Variants in CYS1 observed in about 807,000 individuals in gnomAD.
CYS1 encodes cystin 1.
Under a neutral mutation model 9.6 loss-of-function variants are expected in CYS1, and 5 were observed. The observed-to-expected ratio is 0.52, with a 90% CI of 0.27 to 1.10. The LOEUF is 1.10. Ranked by LOEUF, CYS1 falls within the 50% of genes least tolerant of loss-of-function variation. The pLI is 0.11. For missense variants in CYS1, 221 were observed against 207.9 expected (o/e 1.06, Z -0.39); for synonymous variants, 88 against 95.7 (o/e 0.92, Z 0.47).
At position 10,057,304 on chromosome 2, in the gene CYS1, C is replaced by G. The variant is rs781505245; in HGVS notation, c.*1549G>C. On this transcript the variant is annotated 3_prime_UTR_variant, in exon 3 of 3. Transcript: ENST00000381813. ...AGCTCTGGGGAGGGTTTGAGCCACG[C>G]CCTTGCGGGGGCCGCTCCAAGCTCT... The G allele has an allele frequency of 4.6e-5, 7 of 152,274 alleles. No homozygotes were observed. The highest frequency in any genetic ancestry group is 9.6e-5 in the African/African-American group (4 of 41,476). The allele number at this position is 152,274 out of a possible 1,614,324, so 9.4% of individuals were successfully genotyped here.
intron 1 of CYS1, among the ~76,000 whole-genome samples, chr2:10,075,703 G>T (rs538610173): frequency 6.6e-6 from 1 of 152,162 alleles, no homozygotes; most frequent in Non-Finnish European, 1.5e-5. Context: ...ATGCTCCATG[G>T]CTACAGCAAA....
intron 2 of CYS1, among the ~76,000 whole-genome samples, chr2:10,061,386 G>A (rs901238880): frequency 6.6e-6 from 1 of 152,210 alleles, no homozygotes; most frequent in African/African-American, 2.4e-5. Flanking sequence ...GGGAAGAAGA[G>A]AAATGGGCAC....
At chr2:10,065,221 G>A (rs116530971) in intron 2 of CYS1, among the ~76,000 whole-genome samples, 1 of 152,292 alleles carries the variant, frequency 6.6e-6, no homozygotes, top group African/African-American at 2.4e-5. Flanking sequence ...AGTTCAGCAG[G>A]GTTCCTGTCC....
rs1661563321 is a variant in CYS1, at chr2:10,057,283, C to T, written c.*1570G>A. The T allele has an allele frequency of 6.6e-6, 1 of 152,260 alleles. No homozygotes were observed. Among genetic ancestry groups the T allele is most frequent in the South Asian group, 2.1e-4 (1 of 4,834 alleles). 9.4% of individuals were successfully genotyped at this position (152,260 alleles called of 1,614,324 possible). The stretch of plus-strand genomic sequence containing the variant: ...CTTGCATAAGCAATGGCTCCCAGCT[C>T]TGGGGAGGGTTTGAGCCACGCCCTT... On this transcript the variant is annotated 3_prime_UTR_variant, in exon 3 of 3. Transcript: ENST00000381813.
chr2:10,064,941 C>A (rs1190883707), intron 2 of CYS1, among the ~76,000 whole-genome samples: 1 of 151,522 alleles, frequency 6.6e-6, no homozygotes, highest in East Asian at 1.9e-4. Flanking sequence ...AGGGTTTCAC[C>A]ATGTTGGCCA....
rs200653727 is a variant in CYS1, at chr2:10,058,846, G to A, written c.*7C>T. On this transcript the variant is annotated 3_prime_UTR_variant, in exon 3 of 3. Coordinates refer to ENST00000381813, the MANE Select transcript of CYS1 (RefSeq NM_001037160.3). ...CCGAGGCCTGGCGGGGGTGGAGCATGCTGTCCTCAGCGGCAGTACTCCCGC... is the reference window on the plus strand; with the variant it reads ...CCGAGGCCTGGCGGGGGTGGAGCATACTGTCCTCAGCGGCAGTACTCCCGC... 4.5e-6 allele frequency: 7 copies of A among 1,561,386 alleles called. No individual in the cohort carries two copies. Among genetic ancestry groups the A allele is most frequent in the Non-Finnish European group, 6.1e-6 (7 of 1,152,932 alleles).
chr2:10,080,166 T>C lies in CYS1; in HGVS notation c.58A>G (p.Ser20Gly), dbSNP rs1273121893. ...RTLRRRRSPE[S>G]LPAGPGAAAL... The stretch of plus-strand genomic sequence containing the variant: ...GCCGCTCCGGGCCCCGCGGGGAGGC[T>C]CTCGGGGCTGCGCCGCCGCCTCAGA... The change falls in exon 1 of 3, where the codon AGC becomes GGC. Residue 20 changes from serine (S) to glycine (G), a missense_variant. Ser to Gly is a moderately conservative substitution (Grantham distance 56). Transcript: ENST00000381813. This position sits in a 1 kb window ranked among gnomAD's most constrained non-coding sequence, Gnocchi z 6.4. 2 of 1,062,614 alleles carry C rather than the reference T, an allele frequency of 1.9e-6. No homozygotes were observed. Among genetic ancestry groups the C allele is most frequent in the Non-Finnish European group, 2.3e-6 (2 of 882,286 alleles). The allele number at this position is 1,062,614 out of a possible 1,614,324, so 65.8% of individuals were successfully genotyped here. A position where few individuals can be genotyped will look rare whatever the true frequency, so the allele number is the denominator to read the frequency against.
rs1558354781 is a variant in CYS1 at position 10,056,741 on chromosome 2, C to G, written c.*2112G>C. ...CCCACCCCTCTACTTCCAGGCACAGCCCCTCCGTCTCACAGGACAGAGACA... is the reference window on the plus strand; with the variant it reads ...CCCACCCCTCTACTTCCAGGCACAGGCCCTCCGTCTCACAGGACAGAGACA... On this transcript the variant is annotated 3_prime_UTR_variant, in exon 3 of 3. Transcript: ENST00000381813. The G allele has an allele frequency of 3.3e-5, 5 of 152,312 alleles. No individual in the cohort carries two copies. The highest frequency in any genetic ancestry group is 3.3e-4 in the Admixed American group (5 of 15,292). The allele number at this position is 152,312 out of a possible 1,614,324, so 9.4% of individuals were successfully genotyped here. A position where few individuals can be genotyped will look rare whatever the true frequency, so the allele number is the denominator to read the frequency against.
At chr2:10,073,199 T>C in intron 1 of CYS1, among the ~76,000 whole-genome samples, 1 of 97,382 alleles carries the variant, frequency 1.0e-5, no homozygotes, top group African/African-American at 4.2e-5. Context: ...GACAAGGGGC[T>C]CTGGGAACCG....
chr2:10,073,747 G>A (rs1432477272), intron 1 of CYS1, among the ~76,000 whole-genome samples: 1 of 152,252 alleles, frequency 6.6e-6, no homozygotes, highest in Middle Eastern at 3.4e-3. Flanking sequence ...AAGGTTAAGA[G>A]CTCTTGGTCA....
intron 1 of CYS1, among the ~76,000 whole-genome samples, chr2:10,079,525 T>G (rs1191466740): frequency 6.6e-6 from 1 of 152,090 alleles, no homozygotes; most frequent in African/African-American, 2.4e-5. Flanking sequence ...TCTGGACCGG[T>G]GGGCGCGGCA....
intron 1 of CYS1, among the ~76,000 whole-genome samples, chr2:10,079,343 C>G (rs1179526321): frequency 6.6e-6 from 1 of 152,240 alleles, no homozygotes; most frequent in African/African-American, 2.4e-5. Flanking sequence ...TCATTCAGCT[C>G]TGCTGGAGCG....
chr2:10,062,219 C>T (rs1661637436), intron 2 of CYS1, among the ~76,000 whole-genome samples: 1 of 152,022 alleles, frequency 6.6e-6, no homozygotes, highest in Admixed American at 6.5e-5. Flanking sequence ...GTTACCCAGG[C>T]TGAAAGTCAC....
intron 1 of CYS1, 138 bp downstream of exon 1, chr2:10,079,768 G>A: frequency 2.3e-6 from 1 of 442,738 alleles, no homozygotes; most frequent in Non-Finnish European, 3.1e-6. Context: ...GGGCGGGGAG[G>A]CCGGGGCAGC....
rs1002948006 is a variant in CYS1, at chr2:10,063,735, G to A, written c.371+2169C>T. Among the ~76,000 whole-genome samples, 1 of 152,136 alleles carries A rather than the reference G, an allele frequency of 6.6e-6. No individual in the cohort carries two copies. The highest frequency in any genetic ancestry group is 1.5e-5 in the Non-Finnish European group (1 of 68,038). ...GGCCTGCAGGGTCCACGGCTGCCAC[G>A]GGAGTCAGGTGTGTGCCGTGGGCAG... is the stretch of plus-strand genomic sequence containing the variant. On this transcript the variant is annotated intron_variant, in intron 2 of 2. Coordinates refer to ENST00000381813, the MANE Select transcript of CYS1 (RefSeq NM_001037160.3). This position sits in a 1 kb window ranked among gnomAD's most constrained non-coding sequence, Gnocchi z 4.2.
intron 1 of CYS1, among the ~76,000 whole-genome samples, chr2:10,073,601 G>C (rs1330029977): frequency 6.6e-6 from 1 of 152,048 alleles, no homozygotes; most frequent in Admixed American, 6.5e-5. Context: ...TGGGCAGGGG[G>C]CTGCTTTCCC....
chr2:10,069,344 A>G (rs987013876), intron 1 of CYS1, among the ~76,000 whole-genome samples: 2 of 151,918 alleles, frequency 1.3e-5, no homozygotes, highest in East Asian at 1.9e-4. Context: ...TTTCTGGAGG[A>G]AAAAAAATTA....
intron 1 of CYS1, among the ~76,000 whole-genome samples, chr2:10,074,157 A>G (rs1661812677): frequency 6.6e-6 from 1 of 152,172 alleles, no homozygotes; most frequent in Non-Finnish European, 1.5e-5. Flanking sequence ...CACTATCCAA[A>G]TGCTGATGTC....
rs1031298982 is a variant in CYS1 at position 10,063,761 on chromosome 2, C to T, written c.371+2143G>A. Among the ~76,000 whole-genome samples, 8 of 152,132 alleles carry T rather than the reference C, an allele frequency of 5.3e-5. No homozygotes were observed. The highest frequency in any genetic ancestry group is 3.8e-4 in the East Asian group (2 of 5,196). ...GGAGTCAGGTGTGTGCCGTGGGCAG[C>T]GAGAAGCACAGTGGGTACAGGGCAG... On this transcript the variant is annotated intron_variant, in intron 2 of 2. Coordinates refer to ENST00000381813, the MANE Select transcript of CYS1 (RefSeq NM_001037160.3). The surrounding 1 kb of genome is among the most constrained non-coding windows in gnomAD (Gnocchi z 4.2).
Sources: gnomAD v4.1 joint callset for allele counts (sites outside exome capture counted in the v4.1 genomes callset) on GRCh38, gnomAD v4.1.1 for gene constraint, Gnocchi (gnomAD v3.1) non-coding constraint, MANE v1.5 for transcripts, NCBI Gene and HGNC (gene_info 2026-07-23, HGNC 2026-07-21) for gene names.